The following RP1L1 variants were observed in gnomAD, a reference collection of about 807,000 sequenced individuals.
The protein encoded by RP1L1 is retinitis pigmentosa 1-like 1 protein.
RP1L1 carries 27 observed loss-of-function variants against 15.7 expected under a neutral mutation model. That is an observed-to-expected ratio of 1.72 (90% CI 1.27 to 2.38). The LOEUF (loss-of-function observed/expected upper bound fraction) is 2.38, where lower values mean the gene tolerates loss of function less well. RP1L1 is among the 30% of genes most tolerant of loss of function. The pLI is 0.00. For synonymous variants in RP1L1, 1,813 were observed against 1,276.7 expected, an observed-to-expected ratio of 1.42 and a Z score of -8.96; for missense variants, 4,798 against 3,075.9, an observed-to-expected ratio of 1.56 and a Z score of -13.24.
Position 10,610,415 on chromosome 8 carries a change from G to T in RP1L1, c.3683C>A (p.Thr1228Lys), listed in dbSNP as rs1278268778. The T allele has an allele frequency of 1.2e-6, 2 of 1,613,922 alleles. No homozygotes were observed. The highest frequency in any genetic ancestry group is 4.5e-5 in the East Asian group (2 of 44,858). The change falls in exon 4 of 4, where the codon ACA becomes AAA. Residue 1228 changes from threonine (T) to lysine (K), a missense_variant. Coordinates refer to ENST00000382483, the MANE Select transcript of RP1L1 (RefSeq NM_178857.6). ...AMDGTLVTQG[T>K]ELPLKTSNQR... The stretch of plus-strand genomic sequence containing the variant: ...GTTGGAGGTTTTCAGGGGCAGCTCT[G>T]TCCCCTGTGTCACCAGGGTGCCGTC...
Position 10,609,217 on chromosome 8 carries a change from C to T in RP1L1, c.4881G>A (p.Gly1627=), listed in dbSNP as rs746041025. The change falls in exon 4 of 4, where the codon GGG becomes GGA. Residue 1627 remains glycine, a synonymous_variant. Transcript: ENST00000382483. ...SAFSERTLGL[G]PLSFTLEDEP... ...CGTCCTCCAGGGTGAAGGAGAGGGG[C>T]CCCAGGCCCAGGGTCCGCTCAGAGA... 5 of 1,609,970 alleles carry T rather than the reference C, an allele frequency of 3.1e-6. No homozygotes were observed. The highest frequency in any genetic ancestry group is 4.2e-6 in the Non-Finnish European group (5 of 1,179,886).
Position 10,608,810 on chromosome 8 carries a change from G to T in RP1L1, c.5288C>A (p.Ala1763Glu). Residue 1763 changes from alanine to glutamate, a missense_variant, in exon 4 of 4, where the codon GCA becomes GAA. Coordinates refer to ENST00000382483, the MANE Select transcript of RP1L1 (RefSeq NM_178857.6). The part of the protein sequence containing the change: ...NRDKDPKLGE[A>E]EGDAMAQERE... ...CTCCTGAGCCATTGCATCTCCCTCT[G>T]CCTCCCCGAGTTTGGGATCTTTGTC... is the stretch of plus-strand genomic sequence containing the variant. The T allele has an allele frequency of 6.2e-7, 1 of 1,614,020 alleles. No homozygotes were observed. Among genetic ancestry groups the T allele is most frequent in the Non-Finnish European group, 8.5e-7 (1 of 1,180,042 alleles).
At chr8:10,652,794 T>C (rs1798581982) in intron 1 of RP1L1, among the ~76,000 whole-genome samples, 1 of 152,206 alleles carries the variant, frequency 6.6e-6, no homozygotes, top group Admixed American at 6.5e-5. Context: ...TCCCGTCCTC[T>C]GTGCGTACCT....
Position 10,609,433 on chromosome 8 carries a change from C to T in RP1L1, c.4665G>A (p.Gln1555=), listed in dbSNP as rs1797783411. Residue 1555 remains glutamine, a synonymous_variant, in exon 4 of 4, where the codon CAG becomes CAA. Coordinates refer to ENST00000382483, the MANE Select transcript of RP1L1 (RefSeq NM_178857.6). ...CGTCCTGCTGCAGCTCGGCCGCCAT[C>T]TGGTCCAGCAGATCATTGTCCTGCA... ...WGLQDNDLLD[Q]MAAELQQDVA... 1 of 1,612,356 alleles carries T rather than the reference C, an allele frequency of 6.2e-7. No homozygotes were observed. Among genetic ancestry groups the T allele is most frequent in the African/African-American group, 1.3e-5 (1 of 74,940 alleles).
At position 10,607,556 on chromosome 8, in the gene RP1L1, T is replaced by C. The variant is rs1440545297; in HGVS notation, c.6542A>G (p.Glu2181Gly). Residue 2181 changes from glutamate (E) to glycine (G), a missense_variant, in exon 4 of 4, where the codon GAG becomes GGG. Glu to Gly is a moderately conservative substitution (Grantham distance 98, BLOSUM62 -2). Coordinates refer to ENST00000382483, the MANE Select transcript of RP1L1 (RefSeq NM_178857.6). ...EEAQPELEGV[E>G]APEAEGEAQP... ...GGCCTCCCCTTCTGCCTCTGGGGCC[T>C]CTACACCTTCTAACTCTGGTTGGGC... 6.4e-7 allele frequency: 1 copy of C among 1,567,652 alleles called. No homozygotes were observed. Among genetic ancestry groups the C allele is most frequent in the Non-Finnish European group, 8.7e-7 (1 of 1,146,652 alleles).
chr8:10,615,332 A>T (rs957236596), intron 3 of RP1L1, among the ~76,000 whole-genome samples: 1 of 152,200 alleles, frequency 6.6e-6, no homozygotes. Context: ...GTGTAGTTTT[A>T]AAAAAATAAC....
At chr8:10,623,830 C>A (rs1798115126) in intron 1 of RP1L1, among the ~76,000 whole-genome samples, 1 of 151,586 alleles carries the variant, frequency 6.6e-6, no homozygotes, top group African/African-American at 2.4e-5. Context: ...GTCACCCTGT[C>A]CCTCAGCATC....
In RP1L1 at chr8:10,625,242, G is replaced by C. The variant is rs1281124570; in HGVS notation, c.-19-2022C>G. On this transcript the variant is annotated intron_variant, in intron 1 of 3. Transcript: ENST00000382483. ...GGGCGCCAGGCCGCGCCCAGAGAGAGAACACCCTACCTGCACCAAGCAACT... is the reference window on the plus strand; with the variant it reads ...GGGCGCCAGGCCGCGCCCAGAGAGACAACACCCTACCTGCACCAAGCAACT... Among the ~76,000 whole-genome samples, 7 of 152,252 alleles carry C rather than the reference G, an allele frequency of 4.6e-5. No individual in the cohort carries two copies. In the East Asian group the frequency reaches 1.4e-3, roughly 29 times the overall value.
At chr8:10,640,673 T>C (rs971332812) in intron 1 of RP1L1, among the ~76,000 whole-genome samples, 2 of 150,902 alleles carry the variant, frequency 1.3e-5, no homozygotes. Flanking sequence ...TAATAATTAT[T>C]ATTATTAATA....
chr8:10,617,643 G>A (rs941530365), intron 2 of RP1L1, among the ~76,000 whole-genome samples: 2 of 127,986 alleles, frequency 1.6e-5, no homozygotes, highest in Non-Finnish European at 3.1e-5. Flanking sequence ...TGCAAGCTCT[G>A]CCTCCCGGGT....
rs768709297 is a variant in RP1L1, at chr8:10,622,806, G to A, written c.396C>T (p.Val132=). Residue 132 remains valine, a synonymous_variant, in exon 2 of 4, where the codon GTC becomes GTT. Coordinates refer to ENST00000382483, the MANE Select transcript of RP1L1 (RefSeq NM_178857.6). ...TGCCTGGGGCTTCACGCTGGCCTTCGACATCCCGCAACTGCTGAGCAGTGG... is the reference window on the plus strand; with the variant it reads ...TGCCTGGGGCTTCACGCTGGCCTTCAACATCCCGCAACTGCTGAGCAGTGG... The part of the protein sequence containing the change: ...RNPTAQQLRD[V]EGQREAPGTS... 92 of 1,613,660 alleles carry A rather than the reference G, an allele frequency of 5.7e-5. No homozygotes were observed. The highest frequency in any genetic ancestry group is 8.9e-5 in the East Asian group (4 of 44,882).
intron 2 of RP1L1, among the ~76,000 whole-genome samples, chr8:10,620,187 G>A (rs564725497): frequency 6.6e-6 from 1 of 152,262 alleles, no homozygotes; most frequent in Admixed American, 6.5e-5. Flanking sequence ...CGAATTCCAT[G>A]GATGTTAGTC....
chr8:10,643,926 T>C (rs985467290), intron 1 of RP1L1, among the ~76,000 whole-genome samples: 1 of 151,618 alleles, frequency 6.6e-6, no homozygotes, highest in Non-Finnish European at 1.5e-5. Flanking sequence ...AAATTGGCTG[T>C]GGTCTCTATC....
rs551654962 is a variant in RP1L1 at position 10,654,457 on chromosome 8, CT to C, written c.-20+440del. The stretch of plus-strand genomic sequence containing the variant: ...GTCCTCTAAGAAGCAAATTGGACAC[CT>C]CCCCAGAATCTGCTCCCACCCCAGC... On this transcript the variant is annotated intron_variant, in intron 1 of 3. Coordinates refer to ENST00000382483, the MANE Select transcript of RP1L1 (RefSeq NM_178857.6). Among the ~76,000 whole-genome samples, 612 of 152,136 alleles carry C rather than the reference CT, an allele frequency of 4.0e-3. 5 individuals are homozygous for C. Among genetic ancestry groups the C allele is most frequent in the African/African-American group, 0.014 (581 of 41,490 alleles).
At chr8:10,636,367 G>C (rs1248250694) in intron 1 of RP1L1, among the ~76,000 whole-genome samples, 1 of 152,234 alleles carries the variant, frequency 6.6e-6, no homozygotes, top group African/African-American at 2.4e-5. Flanking sequence ...CCCAGGGCTA[G>C]CCTTTGGCAG....
At chr8:10,618,741 C>T (rs1798012047) in intron 2 of RP1L1, among the ~76,000 whole-genome samples, 1 of 152,156 alleles carries the variant, frequency 6.6e-6, no homozygotes, top group Non-Finnish European at 1.5e-5. Context: ...TATCAGCTAC[C>T]TTGTGAGTTT....
In RP1L1 at chr8:10,616,498, G is replaced by A. The variant is rs1160723979; in HGVS notation, c.699C>T (p.Ala233=). The change falls in exon 3 of 4, where the codon GCC becomes GCT. Residue 233 remains alanine (A), a synonymous_variant. Transcript: ENST00000382483. The part of the protein sequence containing the change: ...EAFRTPAMKN[A]RRSEAETLSG... ...ATAAAGTTTCAGCCTCGCTTCTCCT[G>A]GCATTTTTCATGGCTGGGGTTCTGA... The A allele has an allele frequency of 6.2e-7, 1 of 1,614,220 alleles. No homozygotes were observed.
Position 10,622,893 on chromosome 8 carries a change from G to A in RP1L1, c.309C>T (p.Leu103=). ...TCTTGGGGGGCTTCTTATCAGAGCA[G>A]AGGTAGCAGCCTCCATCTTCCAGCT... is the stretch of plus-strand genomic sequence containing the variant. The part of the protein sequence containing the change: ...LEQLEDGGCY[L]CSDKKPPKTP... Residue 103 remains leucine, a synonymous_variant, in exon 2 of 4, where the codon CTC becomes CTT. Coordinates refer to ENST00000382483, the MANE Select transcript of RP1L1 (RefSeq NM_178857.6). The A allele has an allele frequency of 1.2e-6, 2 of 1,613,856 alleles. No homozygotes were observed. Among genetic ancestry groups the A allele is most frequent in the Non-Finnish European group, 1.7e-6 (2 of 1,179,902 alleles).
intron 1 of RP1L1, among the ~76,000 whole-genome samples, chr8:10,647,699 C>T (rs1007382047): frequency 4.6e-5 from 7 of 152,182 alleles, no homozygotes; most frequent in African/African-American, 1.7e-4. Context: ...AATAATATTC[C>T]ACCTCATGTA....
Sources: allele counts gnomAD v4.1 joint callset (sites outside exome capture counted in the v4.1 genomes callset), GRCh38; gene constraint gnomAD v4.1.1; transcripts MANE v1.5; gene names NCBI Gene and HGNC (gene_info 2026-07-23, HGNC 2026-07-21).